COL19A1: variants seen among roughly 807,000 people sequenced by gnomAD.
COL19A1 encodes collagen alpha-1(XIX) chain.
A neutral mutation model predicts 190.2 loss-of-function variants in COL19A1; 159 were observed. That is an observed-to-expected ratio of 0.84 (90% CI 0.73 to 0.95). The LOEUF (loss-of-function observed/expected upper bound fraction) is 0.95, where lower values mean the gene tolerates loss of function less well. Among genes scored for constraint, COL19A1 ranks in the 40% least tolerant of loss-of-function variants. COL19A1 has a pLI of 0.00. For synonymous variants in COL19A1, 509 were observed against 458.9 expected (o/e 1.11, Z -1.39); for missense variants, 1,418 against 1,431.9 (o/e 0.99, Z 0.16).
In COL19A1 at chr6:70,205,901, G is replaced by A. The variant is rs145557294; in HGVS notation, c.3224-1000G>A. Reference sequence around the variant, plus strand: ...GTTGATGAAGTACATTTGGGAGACTGTCAGTCTCCTCTCTTGTTTCCTAGC... The same window carrying A: ...GTTGATGAAGTACATTTGGGAGACTATCAGTCTCCTCTCTTGTTTCCTAGC... On this transcript the variant is annotated intron_variant, in intron 49 of 50. Coordinates refer to ENST00000620364, the MANE Select transcript of COL19A1 (RefSeq NM_001858.6). Among the ~76,000 whole-genome samples, 231 of 152,312 alleles carry A rather than the reference G, an allele frequency of 1.5e-3. 2 individuals carry two copies. Among genetic ancestry groups the A allele is most frequent in the African/African-American group, 5.3e-3 (219 of 41,586 alleles).
At chr6:70,042,963 C>G (rs992292079) in intron 14 of COL19A1, among the ~76,000 whole-genome samples, 2 of 152,236 alleles carry the variant, frequency 1.3e-5, no homozygotes, top group Non-Finnish European at 2.9e-5. Flanking sequence ...CTATTTCTAC[C>G]ACATCTGCAG....
chr6:70,032,991 T>A (rs1311805048), intron 12 of COL19A1, among the ~76,000 whole-genome samples: 1 of 152,164 alleles, frequency 6.6e-6, no homozygotes, highest in East Asian at 1.9e-4. Context: ...CAATACTGTA[T>A]CACATCTCAA....
In COL19A1 at chr6:70,023,131, CTA is replaced by C. The variant is rs757037749; in HGVS notation, c.1027-494_1027-493del. ...TTATGGTTTAATCATTTTTATGCAGCTATTTTTTTTTTTTTTTTTTGAGATGG... is the reference window on the plus strand; with the variant it reads ...TTATGGTTTAATCATTTTTATGCAGCTTTTTTTTTTTTTTTTTTGAGATGG... On this transcript the variant is annotated intron_variant, in intron 11 of 50. Transcript: ENST00000620364. 6.0e-3 allele frequency among the ~76,000 whole-genome samples: 860 copies of C among 142,246 alleles called. 5 individuals are homozygous for C. Among genetic ancestry groups the C allele is most frequent in the Non-Finnish European group, 7.4e-3 (487 of 65,762 alleles). The allele number at this position is 142,246 out of a possible 152,430, so 93.3% of individuals were successfully genotyped here.
chr6:70,094,365 C>T (rs1015875800), intron 15 of COL19A1, among the ~76,000 whole-genome samples: 2 of 152,152 alleles, frequency 1.3e-5, no homozygotes, highest in African/African-American at 4.8e-5. Flanking sequence ...TTCCTTAATA[C>T]CTTGTTCAGG....
chr6:69,880,254 A>G (rs1768444020), intron 2 of COL19A1, among the ~76,000 whole-genome samples: 1 of 152,138 alleles, frequency 6.6e-6, no homozygotes, highest in Non-Finnish European at 1.5e-5. Flanking sequence ...ATTTACCTTC[A>G]TCTCTGCTTT....
intron 41 of COL19A1, 82 bp downstream of exon 41, chr6:70,172,099 T>G: frequency 7.7e-7 from 1 of 1,292,596 alleles, no homozygotes; most frequent in Non-Finnish European, 1.1e-6. Context: ...AAAAACTGTT[T>G]TAGGTTAGGG....
In COL19A1 at chr6:70,166,918, G is replaced by A. The variant is rs549233453; in HGVS notation, c.2445+933G>A. On this transcript the variant is annotated intron_variant, in intron 37 of 50. Transcript: ENST00000620364. ...CAAATATAACATGAGTTCATGAAAG[G>A]GACCTATAATTTTATAATGCACTTA... is the stretch of plus-strand genomic sequence containing the variant. Among the ~76,000 whole-genome samples, 7 of 152,236 alleles carry A rather than the reference G, an allele frequency of 4.6e-5. No individual in the cohort carries two copies. In the South Asian group the frequency reaches 1.5e-3, roughly 32 times the overall value.
At chr6:70,189,653 TG>T (rs1438770361) in intron 47 of COL19A1, among the ~76,000 whole-genome samples, 1 of 152,230 alleles carries the variant, frequency 6.6e-6, no homozygotes, top group Non-Finnish European at 1.5e-5. Context: ...CTTTGTCAAA[TG>T]CATGTGGATT....
At chr6:69,969,812 G>T (rs1388436052) in intron 11 of COL19A1, among the ~76,000 whole-genome samples, 1 of 152,188 alleles carries the variant, frequency 6.6e-6, no homozygotes, top group Non-Finnish European at 1.5e-5. Flanking sequence ...TGCCAGGTTG[G>T]CTGAGGGTGG....
At chr6:69,982,406 A>T (rs1472707689) in intron 11 of COL19A1, among the ~76,000 whole-genome samples, 2 of 151,516 alleles carry the variant, frequency 1.3e-5, no homozygotes, top group African/African-American at 4.8e-5. Flanking sequence ...ACACCCGACT[A>T]ATTTTTGCAT....
intron 9 of COL19A1, among the ~76,000 whole-genome samples, chr6:69,957,053 G>T (rs1339455389): frequency 6.6e-6 from 1 of 151,864 alleles, no homozygotes; most frequent in Non-Finnish European, 1.5e-5. Context: ...ATCTTTATTT[G>T]CTTGGTCTCA....
rs377578384 is a variant in COL19A1 at position 70,064,868 on chromosome 6, C to G, written c.1171-3555C>G. ...AACTCCCATTCACAATTGCTTCAAA[C>G]AGAATAAAATACCTAGGAATCCAAC... On this transcript the variant is annotated intron_variant, in intron 14 of 50. Transcript: ENST00000620364. Among the ~76,000 whole-genome samples the G allele has an allele frequency of 5.7e-3, 874 of 152,050 alleles. 17 individuals carry two copies. The highest frequency in any genetic ancestry group is 0.02 in the African/African-American group (813 of 41,488).
At chr6:69,970,726 G>A (rs188952201) in intron 11 of COL19A1, among the ~76,000 whole-genome samples, 4 of 152,228 alleles carry the variant, frequency 2.6e-5, no homozygotes, top group East Asian at 1.9e-4. Context: ...GAACATCAGC[G>A]TGTTATACAA....
intron 6 of COL19A1, among the ~76,000 whole-genome samples, chr6:69,930,213 TTAG>T (rs1312283233): frequency 6.6e-6 from 1 of 152,172 alleles, no homozygotes; most frequent in Non-Finnish European, 1.5e-5. Context: ...ACTAAATGTA[TTAG>T]TAGGTCATTT....
intron 11 of COL19A1, among the ~76,000 whole-genome samples, chr6:69,990,917 G>C (rs1776583573): frequency 6.6e-6 from 1 of 151,866 alleles, no homozygotes; most frequent in African/African-American, 2.4e-5. Context: ...TTAGGTTTGG[G>C]GGGTACATGG....
chr6:70,093,233 G>T (rs998199374), intron 15 of COL19A1, among the ~76,000 whole-genome samples: 7 of 152,150 alleles, frequency 4.6e-5, no homozygotes, highest in Non-Finnish European at 8.8e-5. Flanking sequence ...TGTGCTGCCT[G>T]TGAACATCCA....
chr6:70,133,750 C>T (rs2150226487), intron 18 of COL19A1, among the ~76,000 whole-genome samples: 1 of 152,264 alleles, frequency 6.6e-6, no homozygotes, highest in Middle Eastern at 3.4e-3. Context: ...CTCATCTCTA[C>T]AGTGATAAAT....
intron 20 of COL19A1, among the ~76,000 whole-genome samples, chr6:70,141,395 G>A (rs1220354677): frequency 1.3e-5 from 2 of 151,974 alleles, no homozygotes; most frequent in Non-Finnish European, 2.9e-5. Context: ...AATTTAAAAA[G>A]CAAACTTATT....
At chr6:70,118,060 A>C (rs1383249159) in intron 16 of COL19A1, among the ~76,000 whole-genome samples, 2 of 152,190 alleles carry the variant, frequency 1.3e-5, no homozygotes, top group African/African-American at 4.8e-5. Context: ...GAGCATCTAC[A>C]CCACCATGTG....
Sources: gnomAD v4.1 joint callset for allele counts (sites outside exome capture counted in the v4.1 genomes callset) on GRCh38, gnomAD v4.1.1 for gene constraint, MANE v1.5 for transcripts, NCBI Gene and HGNC (gene_info 2026-07-23, HGNC 2026-07-21) for gene names.